CTNNA3: variants seen among roughly 807,000 people sequenced by gnomAD.
CTNNA3 encodes the protein catenin alpha-3.
CTNNA3 carries 76 observed loss-of-function variants against 95.7 expected under a neutral mutation model. The ratio of observed to expected loss-of-function variants is 0.79; its 90% CI spans 0.66 to 0.96. CTNNA3 has a LOEUF of 0.96. Ranked by LOEUF, CTNNA3 falls within the 40% of genes least tolerant of loss-of-function variation. The pLI is 0.00. For missense variants in CTNNA3, 1,191 were observed against 1,089.8 expected, an observed-to-expected ratio of 1.09 and a Z score of -1.31; for synonymous variants, 431 against 374.4, an observed-to-expected ratio of 1.15 and a Z score of -1.74.
intron 13 of CTNNA3, among the ~76,000 whole-genome samples, chr10:66,106,876 C>G (rs757965828): frequency 2.6e-5 from 4 of 152,068 alleles, no homozygotes; most frequent in Non-Finnish European, 5.9e-5. Flanking sequence ...TCTACACAGA[C>G]ATTATTTTGG....
intron 9 of CTNNA3, among the ~76,000 whole-genome samples, chr10:66,640,517 C>T (rs1352386403): frequency 6.6e-6 from 1 of 152,134 alleles, no homozygotes; most frequent in East Asian, 1.9e-4. Flanking sequence ...GCTGCTTCTA[C>T]CCAATTCTAC....
At chr10:67,027,391 A>G (rs1853456085) in intron 7 of CTNNA3, among the ~76,000 whole-genome samples, 1 of 150,938 alleles carries the variant, frequency 6.6e-6, no homozygotes, top group African/African-American at 2.4e-5. Flanking sequence ...TTAAATACCT[A>G]TATTTCTGTC....
chr10:66,987,761 T>C (rs1361361899), intron 7 of CTNNA3, among the ~76,000 whole-genome samples: 1 of 152,234 alleles, frequency 6.6e-6, no homozygotes, highest in African/African-American at 2.4e-5. Context: ...ACTTCATTTC[T>C]GTGAATTTAG....
intron 11 of CTNNA3, among the ~76,000 whole-genome samples, chr10:66,469,678 G>A (rs1371354937): frequency 6.6e-6 from 1 of 151,786 alleles, no homozygotes; most frequent in Non-Finnish European, 1.5e-5. Context: ...AGCAAAAATG[G>A]ATGTAGGTGC....
intron 5 of CTNNA3, among the ~76,000 whole-genome samples, chr10:67,416,624 A>C (rs888151105): frequency 6.6e-5 from 10 of 150,596 alleles, no homozygotes; most frequent in Non-Finnish European, 8.9e-5. Context: ...AAAAAAAAAA[A>C]AAAAAAACAA....
chr10:66,664,491 G>A (rs912080617), intron 9 of CTNNA3, among the ~76,000 whole-genome samples: 1 of 152,092 alleles, frequency 6.6e-6, no homozygotes, highest in Admixed American at 6.6e-5. Context: ...CTCTGATCTA[G>A]TTGTGGGGTT....
intron 2 of CTNNA3, among the ~76,000 whole-genome samples, chr10:67,645,804 T>C (rs3125318): frequency 0.035 from 5,379 of 151,784 alleles, 95 homozygotes; most frequent in Middle Eastern, 0.079. Context: ...ATATCATATA[T>C]AAGTAAATAG....
chr10:67,576,486 G>A (rs574045336), intron 3 of CTNNA3, among the ~76,000 whole-genome samples: 14 of 151,794 alleles, frequency 9.2e-5, no homozygotes, highest in East Asian at 5.8e-4. Flanking sequence ...AGTGGTACAC[G>A]GTAAGCTTTC....
intron 11 of CTNNA3, among the ~76,000 whole-genome samples, chr10:66,468,532 C>T (rs929439008): frequency 1.3e-5 from 2 of 151,818 alleles, no homozygotes; most frequent in Non-Finnish European, 2.9e-5. Flanking sequence ...TAAAGAAGTT[C>T]TGGAGATCTA....
At chr10:66,066,146 A>G (rs1463797229) in intron 15 of CTNNA3, among the ~76,000 whole-genome samples, 1 of 152,150 alleles carries the variant, frequency 6.6e-6, no homozygotes. Flanking sequence ...TACAGGCGTG[A>G]GCCACCGCAC....
intron 12 of CTNNA3, among the ~76,000 whole-genome samples, chr10:66,306,791 T>A (rs1330639649): frequency 6.6e-6 from 1 of 152,170 alleles, no homozygotes; most frequent in African/African-American, 2.4e-5. Flanking sequence ...TAAAGACTGG[T>A]TTTCGTATGT....
rs149761303 is a variant in CTNNA3 at position 66,348,064 on chromosome 10, C to T, written c.1732+31088G>A. 3.3e-5 allele frequency among the ~76,000 whole-genome samples: 5 copies of T among 152,160 alleles called. No individual in the cohort carries two copies. The East Asian group carries it at 9.6e-4, about 29-fold the overall frequency. The stretch of plus-strand genomic sequence containing the variant: ...ACAGAATAACAAAGACAAAAAACAA[C>T]CTTAAGAATACTAAGAATACCAAAT... On this transcript the variant is annotated intron_variant, in intron 12 of 17. Coordinates refer to ENST00000433211, the MANE Select transcript of CTNNA3 (RefSeq NM_013266.4).
intron 7 of CTNNA3, among the ~76,000 whole-genome samples, chr10:66,954,304 A>G (rs1750658830): frequency 6.6e-6 from 1 of 152,178 alleles, no homozygotes; most frequent in East Asian, 1.9e-4. Context: ...CTTATCTTAA[A>G]TTTGTTCTGT....
At chr10:66,878,817 A>C (rs986901949) in intron 7 of CTNNA3, among the ~76,000 whole-genome samples, 5 of 152,154 alleles carry the variant, frequency 3.3e-5, no homozygotes, top group Non-Finnish European at 7.4e-5. Context: ...TACTGCCAAA[A>C]TTATTTTGGA....
chr10:66,838,197 G>A (rs1842942703), intron 7 of CTNNA3, among the ~76,000 whole-genome samples: 1 of 152,052 alleles, frequency 6.6e-6, no homozygotes, highest in Admixed American at 6.6e-5. Context: ...CACAGACTAG[G>A]GAGAGGGAGT....
chr10:66,670,012 T>C (rs371464246), intron 9 of CTNNA3, among the ~76,000 whole-genome samples: 2 of 152,130 alleles, frequency 1.3e-5, no homozygotes, highest in Admixed American at 6.5e-5. Flanking sequence ...ATATGGAGAA[T>C]TGAAAAAAAA....
intron 13 of CTNNA3, among the ~76,000 whole-genome samples, chr10:66,117,753 T>C (rs2082400692): frequency 2.0e-5 from 3 of 152,250 alleles, no homozygotes; most frequent in Non-Finnish European, 4.4e-5. Context: ...TTTAAGTCAA[T>C]GGTTTTCAAA....
chr10:66,211,983 GTTTTTTTTTTT>G (rs61453326), intron 13 of CTNNA3, among the ~76,000 whole-genome samples: 1 of 95,012 alleles, frequency 1.1e-5, no homozygotes, highest in Non-Finnish European at 2.0e-5. Flanking sequence ...TTGTTTTTGG[GTTTTTTTTTTT>G]TTTTTTTTTT....
At chr10:67,142,349 A>G (rs975682461) in intron 7 of CTNNA3, among the ~76,000 whole-genome samples, 1 of 152,170 alleles carries the variant, frequency 6.6e-6, no homozygotes, top group Non-Finnish European at 1.5e-5. Context: ...AAATTTTTTT[A>G]ATGTGTATTA....
Sources: gnomAD v4.1 joint callset for allele counts (sites outside exome capture counted in the v4.1 genomes callset) on GRCh38, gnomAD v4.1.1 for gene constraint, MANE v1.5 for transcripts, NCBI Gene and HGNC (gene_info 2026-07-23, HGNC 2026-07-21) for gene names.